Variants in CDH19 observed in about 807,000 individuals in gnomAD.
The protein encoded by CDH19 is cadherin-19.
Under a neutral mutation model 64.2 loss-of-function variants are expected in CDH19, and 67 were observed. That is an observed-to-expected ratio of 1.04 (90% CI 0.86 to 1.28). The LOEUF is 1.28. Among genes scored for constraint, CDH19 ranks in the 50% most tolerant of loss-of-function variants. CDH19 has a pLI of 0.00. For missense variants in CDH19, 1,030 were observed against 929.0 expected (o/e 1.11, Z -1.41); for synonymous variants, 346 against 319.3 (o/e 1.08, Z -0.89).
intron 7 of CDH19, among the ~76,000 whole-genome samples, chr18:66,536,929 T>C (rs1251590624): frequency 6.6e-6 from 1 of 151,860 alleles, no homozygotes; most frequent in East Asian, 1.9e-4. Context: ...TTTAGATATG[T>C]ACCATCATGA....
intron 9 of CDH19, among the ~76,000 whole-genome samples, chr18:66,518,555 G>T (rs1364529890): frequency 6.6e-6 from 1 of 151,942 alleles, no homozygotes; most frequent in Non-Finnish European, 1.5e-5. Flanking sequence ...TTATCTGAGG[G>T]TTTCTTAGCA....
intron 1 of CDH19, among the ~76,000 whole-genome samples, chr18:66,590,636 T>C (rs1024057999): frequency 2.6e-5 from 4 of 151,970 alleles, no homozygotes; most frequent in Non-Finnish European, 5.9e-5. Context: ...ATACTGCTGG[T>C]GAACCCCAAT....
chr18:66,520,838 C>A (rs8086758), intron 9 of CDH19, among the ~76,000 whole-genome samples: 1 of 151,836 alleles, frequency 6.6e-6, no homozygotes, highest in Non-Finnish European at 1.5e-5. Flanking sequence ...AACGTTGCTC[C>A]TGTAGGATGA....
At chr18:66,512,078 C>T (rs913336263) in intron 9 of CDH19, among the ~76,000 whole-genome samples, 2 of 151,472 alleles carry the variant, frequency 1.3e-5, no homozygotes, top group Non-Finnish European at 3.0e-5. Flanking sequence ...TTGTCTATTT[C>T]CTGTTTTTAC....
intron 3 of CDH19, among the ~76,000 whole-genome samples, chr18:66,556,370 A>G (rs1175313194): frequency 6.6e-6 from 1 of 151,674 alleles, no homozygotes; most frequent in East Asian, 1.9e-4. Context: ...AGATCTCTAG[A>G]TTTGTTTATC....
Position 66,554,436 on chromosome 18 carries a change from G to T in CDH19, c.579C>A (p.Gly193=), listed in dbSNP as rs763770985. 5 of 1,611,696 alleles carry T rather than the reference G, an allele frequency of 3.1e-6. No individual in the cohort carries two copies. The highest frequency in any genetic ancestry group is 4.2e-6 in the Non-Finnish European group (5 of 1,178,466). Residue 193 remains glycine, a synonymous_variant, in exon 4 of 12, where the codon GGC becomes GGA. Transcript: ENST00000262150. ...TTGGTTCAACAGAAAAATATGGCTGGCCTTGAAGTAAGCTGTAGAGGAGAC... is the reference window on the plus strand; with the variant it reads ...TTGGTTCAACAGAAAAATATGGCTGTCCTTGAAGTAAGCTGTAGAGGAGAC... ...NARLLYSLLQ[G]QPYFSVEPTT... is the part of the protein sequence containing the mutation.
chr18:66,584,527 A>G (rs1280558029), intron 1 of CDH19, among the ~76,000 whole-genome samples: 2 of 152,110 alleles, frequency 1.3e-5, no homozygotes, highest in Non-Finnish European at 2.9e-5. Context: ...ACAAATGAAT[A>G]CAAATAATTC....
chr18:66,538,447 C>A (rs1190909379), intron 7 of CDH19, among the ~76,000 whole-genome samples: 1 of 151,918 alleles, frequency 6.6e-6, no homozygotes, highest in African/African-American at 2.4e-5. Context: ...AATTTTATCA[C>A]CCTCCTTTCC....
intron 1 of CDH19, among the ~76,000 whole-genome samples, chr18:66,581,180 C>T (rs368197952): frequency 6.6e-6 from 1 of 151,612 alleles, no homozygotes; most frequent in South Asian, 2.1e-4. Flanking sequence ...ATTGCTAATA[C>T]CTGGGAATGT....
chr18:66,596,106 T>C (rs1006086754), intron 1 of CDH19: 5 of 152,070 alleles, frequency 3.3e-5, no homozygotes, highest in Admixed American at 2.0e-4. Flanking sequence ...CTGATAACAT[T>C]TAATATCTCT....
intron 9 of CDH19, among the ~76,000 whole-genome samples, chr18:66,522,458 C>G (rs1986038830): frequency 6.6e-6 from 1 of 151,924 alleles, no homozygotes; most frequent in Admixed American, 6.6e-5. Context: ...CCATGTTGGC[C>G]AGGCTGGTTT....
chr18:66,579,781 T>C (rs1168062376), intron 1 of CDH19, among the ~76,000 whole-genome samples: 1 of 152,084 alleles, frequency 6.6e-6, no homozygotes, highest in Non-Finnish European at 1.5e-5. Flanking sequence ...TAATACATAC[T>C]AATGTAGAGA....
intron 1 of CDH19, among the ~76,000 whole-genome samples, chr18:66,588,744 C>T (rs747061593): frequency 1.3e-4 from 19 of 151,150 alleles, no homozygotes; most frequent in Non-Finnish European, 2.7e-4. Context: ...AGGGACTAAA[C>T]TCTCCTTTAT....
rs1985019460 is a variant in CDH19, at chr18:66,503,144, C to T, written c.*1668G>A. 6.6e-6 allele frequency: 1 copy of T among 151,662 alleles called. No homozygotes were observed. The allele number at this position is 151,662 out of a possible 1,614,324, so 9.4% of individuals were successfully genotyped here. A position where few individuals can be genotyped will look rare whatever the true frequency, so the allele number is the denominator to read the frequency against. On this transcript the variant is annotated 3_prime_UTR_variant, in exon 12 of 12. Coordinates refer to ENST00000262150, the MANE Select transcript of CDH19 (RefSeq NM_021153.4). Reference sequence around the variant, plus strand: ...AGAATTTTGTATTCACTACTTTCTTCCTGTTCAAACCATAAATTTTGAAGT... The same window carrying T: ...AGAATTTTGTATTCACTACTTTCTTTCTGTTCAAACCATAAATTTTGAAGT...
rs1986985399 is a variant in CDH19 at position 66,543,734 on chromosome 18, T to C, written c.1214+237A>G. On this transcript the variant is annotated intron_variant, in intron 7 of 11. Coordinates refer to ENST00000262150, the MANE Select transcript of CDH19 (RefSeq NM_021153.4). ...CCCGTCTCTACTAAAAATACAAAAA[T>C]TAGCTGGGCGTGGTGGCGCATGCCT... Among the ~76,000 whole-genome samples, 3 of 151,914 alleles carry C rather than the reference T, an allele frequency of 2.0e-5. No homozygotes were observed. In the South Asian group the frequency reaches 6.2e-4, roughly 32 times the overall value.
chr18:66,517,334 T>C (rs568148841), intron 9 of CDH19, among the ~76,000 whole-genome samples: 1 of 152,050 alleles, frequency 6.6e-6, no homozygotes, highest in South Asian at 2.1e-4. Flanking sequence ...AATCTGAAAA[T>C]TATCGATATT....
chr18:66,526,305 C>T (rs898672799), intron 9 of CDH19, among the ~76,000 whole-genome samples: 7 of 151,982 alleles, frequency 4.6e-5, no homozygotes, highest in African/African-American at 1.7e-4. Context: ...TAGCTTTTTC[C>T]ATAAAGCTTT....
At chr18:66,533,178 T>A (rs73537788) in intron 8 of CDH19, among the ~76,000 whole-genome samples, 2,556 of 151,458 alleles carry the variant, frequency 0.017, 63 homozygotes, top group African/African-American at 0.057. Context: ...ATTGTAATTT[T>A]CAATTAACTA....
intron 1 of CDH19, among the ~76,000 whole-genome samples, chr18:66,577,404 A>G (rs1988296544): frequency 6.6e-6 from 1 of 151,914 alleles, no homozygotes; most frequent in African/African-American, 2.4e-5. Context: ...AACAAACCAC[A>G]AAGTGTACAA....
Sources: gnomAD v4.1 joint callset for allele counts (sites outside exome capture counted in the v4.1 genomes callset) on GRCh38, gnomAD v4.1.1 for gene constraint, MANE v1.5 for transcripts, NCBI Gene and HGNC (gene_info 2026-07-23, HGNC 2026-07-21) for gene names.